The following NELFB variants were observed in gnomAD, a reference collection of about 807,000 sequenced individuals.
The protein encoded by NELFB is negative elongation factor B.
A neutral mutation model predicts 60.2 loss-of-function variants in NELFB; 34 were observed. The ratio of observed to expected loss-of-function variants is 0.56; its 90% CI spans 0.43 to 0.75. The LOEUF is 0.75. Among genes scored for constraint, NELFB ranks in the 30% least tolerant of loss-of-function variants. The probability of loss-of-function intolerance (pLI) is 0.00; values close to 1 mark genes in which losing one functional copy is unlikely to be tolerated. For synonymous variants in NELFB, 459 were observed against 382.1 expected (o/e 1.20, Z -2.35); for missense variants, 770 against 831.6 (o/e 0.93, Z 0.91).
At chr9:137,265,798 G>T in intron 6 of NELFB, 79 bp from the exon 7 acceptor site, 1 of 941,714 alleles carries the variant, frequency 1.1e-6, no homozygotes, top group Non-Finnish European at 1.7e-6. Context: ...ATTCAGCCTA[G>T]GCCACCCCTC....
rs760078832 is a variant in NELFB at position 137,257,069 on chromosome 9, CGT to C, written c.741+19_741+20del. ...GCCAGGGCGAGGTGAGGGGACAGGC[CGT>C]GTGCGGGGTGGGGCACCTCTTGGGG... On this transcript the variant is annotated intron_variant, in intron 4 of 12. Transcript: ENST00000343053. 1 of 1,604,532 alleles carries C rather than the reference CGT, an allele frequency of 6.2e-7. No homozygotes were observed. The highest frequency in any genetic ancestry group is 1.7e-5 in the Admixed American group (1 of 59,846).
chr9:137,263,321 A>G (rs1237685421), intron 5 of NELFB, 99 bp downstream of exon 5: 13 of 606,470 alleles, frequency 2.1e-5, no homozygotes, highest in Non-Finnish European at 2.8e-5. Flanking sequence ...TCCTTCCCCC[A>G]CTGCCCTCCT....
In NELFB at chr9:137,264,350, G is replaced by A. The variant is rs1236968811; in HGVS notation, c.1033G>A (p.Val345Met). ...TGGCGTCAAGAAGGGCCAGGAGCAG[G>A]TGCTGGGGTGAGGGTCGGCTCCACG... The change falls in exon 6 of 13, where the codon GTG becomes ATG. Residue 345 changes from valine (V) to methionine (M), a missense_variant. Coordinates refer to ENST00000343053, the MANE Select transcript of NELFB (RefSeq NM_015456.5). The A allele has an allele frequency of 1.9e-6, 3 of 1,586,492 alleles. No individual in the cohort carries two copies. Among genetic ancestry groups the A allele is most frequent in the South Asian group, 2.3e-5 (2 of 86,792 alleles).
intron 4 of NELFB, among the ~76,000 whole-genome samples, chr9:137,260,793 G>C (rs995805372): frequency 2.1e-4 from 31 of 150,842 alleles, no homozygotes; most frequent in Admixed American, 1.1e-3. Flanking sequence ...GGGTGCGGTG[G>C]CTCACGCCTG....
chr9:137,261,667 A>C (rs1830448440), intron 4 of NELFB, among the ~76,000 whole-genome samples: 2 of 16,746 alleles, frequency 1.2e-4, no homozygotes, highest in African/African-American at 2.3e-4. Context: ...CAAAAAAAAA[A>C]AAAAAAAAAA....
At chr9:137,265,808 C>A in intron 6 of NELFB, 69 bp from the exon 7 acceptor site, 1 of 1,049,784 alleles carries the variant, frequency 9.5e-7, no homozygotes. Context: ...GGCCACCCCT[C>A]CTGAGGACTG....
Position 137,256,967 on chromosome 9 carries a change from G to C in NELFB, c.654G>C (p.Leu218=). Residue 218 remains leucine (L), a synonymous_variant, in exon 4 of 13, where the codon CTG becomes CTC. Transcript: ENST00000343053. ...CCCCACTCCTGAAGCAGTACATCCT[G>C]GAGAAGGAGAGCGCTCTCTTCAGTA... The C allele has an allele frequency of 6.2e-7, 1 of 1,614,150 alleles. No homozygotes were observed. The highest frequency in any genetic ancestry group is 1.1e-5 in the South Asian group (1 of 91,092).
At chr9:137,258,984 G>A (rs897702290) in intron 4 of NELFB, among the ~76,000 whole-genome samples, 2 of 152,186 alleles carry the variant, frequency 1.3e-5, no homozygotes, top group Non-Finnish European at 2.9e-5. Context: ...TGGGAGGATC[G>A]CTTGAGCTTA....
intron 11 of NELFB, 45 bp downstream of exon 11, chr9:137,272,267 C>T (rs1414532789): frequency 6.2e-7 from 1 of 1,605,692 alleles, no homozygotes; most frequent in African/African-American, 1.3e-5. Flanking sequence ...CCTCTCAGCT[C>T]TTGTCCGTAG....
intron 12 of NELFB, 24 bp from the exon 13 acceptor site, chr9:137,272,758 G>T (rs1564446393): frequency 2.0e-6 from 3 of 1,531,116 alleles, no homozygotes; most frequent in South Asian, 1.2e-5. Flanking sequence ...CGCCTCGCCT[G>T]CCCCATGGTG....
At chr9:137,270,063 G>A (rs778811583) in intron 10 of NELFB, among the ~76,000 whole-genome samples, 2 of 152,102 alleles carry the variant, frequency 1.3e-5, no homozygotes, top group African/African-American at 2.4e-5. Flanking sequence ...CAACCTCCCC[G>A]GGGTCCACGT....
chr9:137,263,024 C>T lies in NELFB; in HGVS notation c.742-13C>T, dbSNP rs763715425. The T allele has an allele frequency of 1.9e-6, 3 of 1,608,114 alleles. No homozygotes were observed. The highest frequency in any genetic ancestry group is 2.6e-6 in the Non-Finnish European group (3 of 1,175,246). On this transcript the variant is annotated splice_polypyrimidine_tract_variant and intron_variant, in intron 4 of 12. Transcript: ENST00000343053. Reference sequence around the variant, plus strand: ...AGGACGGTCTGGGGGCCTGACAGTGCCTCTTGCTGCAGGTGGTGCAGCGGC... The same window carrying T: ...AGGACGGTCTGGGGGCCTGACAGTGTCTCTTGCTGCAGGTGGTGCAGCGGC...
Position 137,269,769 on chromosome 9 carries a change from TC to T in NELFB, c.1490-2310del, listed in dbSNP as rs538815437. On this transcript the variant is annotated intron_variant, in intron 10 of 12. Transcript: ENST00000343053. This position sits in a 1 kb window ranked among gnomAD's most constrained non-coding sequence, Gnocchi z 5.3. ...AATGACAGACTCACCTGGGAGGCCT[TC>T]CGTGCGCTTCTGTTTCTTTCTCTCA... Among the ~76,000 whole-genome samples the T allele has an allele frequency of 5.9e-5, 9 of 152,278 alleles. No homozygotes were observed. In the East Asian group the frequency reaches 1.6e-3, roughly 26 times the overall value.
chr9:137,256,928 C>G lies in NELFB; in HGVS notation c.615C>G (p.Phe205Leu). Reference sequence around the variant, plus strand: ...TCTGGCAAGACAACCAGGCCCTCTTCGGGGACGAGGTTTCCCCACTCCTGA... The same window carrying G: ...TCTGGCAAGACAACCAGGCCCTCTTGGGGGACGAGGTTTCCCCACTCCTGA... Residue 205 changes from phenylalanine to leucine, a missense_variant, in exon 4 of 13, where the codon TTC becomes TTG. By Grantham distance (22) the Phe-to-Leu change is conservative. Transcript: ENST00000343053. 6.2e-7 allele frequency: 1 copy of G among 1,614,200 alleles called. No homozygotes were observed. Among genetic ancestry groups the G allele is most frequent in the South Asian group, 1.1e-5 (1 of 91,088 alleles).
chr9:137,272,470 C>T, intron 11 of NELFB, 37 bp from the exon 12 acceptor site: 1 of 1,580,038 alleles, frequency 6.3e-7, no homozygotes, highest in Non-Finnish European at 8.6e-7. Flanking sequence ...GACAGCAGGG[C>T]CTGCCTCCTG....
At chr9:137,261,339 CAAAAAAAAAAAAAAAAAGTA>C (rs1363385010) in intron 4 of NELFB, among the ~76,000 whole-genome samples, 1 of 65,636 alleles carries the variant, frequency 1.5e-5, no homozygotes, top group Non-Finnish European at 3.0e-5. Flanking sequence ...GACTCGGTTT[CAAAAAAAAAAAAAAAAAGTA>C]AAAAAAAAAA....
chr9:137,272,791 G>A lies in NELFB; in HGVS notation c.1750G>A (p.Ala584Thr), dbSNP rs1479850212. The change falls in exon 13 of 13, where the codon GCA (alanine) becomes ACA (threonine). Residue 584 changes from alanine (A) to threonine (T), a missense_variant. Transcript: ENST00000343053. Reference sequence around the variant, plus strand: ...GTGTGGTTCCCCGCAGAGCGGAGAGGCAGTGAAGGAGCTTTACTCCCAGCT... The same window carrying A: ...GTGTGGTTCCCCGCAGAGCGGAGAGACAGTGAAGGAGCTTTACTCCCAGCT... 3.9e-6 allele frequency: 6 copies of A among 1,548,084 alleles called. No individual in the cohort carries two copies. The highest frequency in any genetic ancestry group is 5.2e-6 in the Non-Finnish European group (6 of 1,145,498).
Position 137,263,034 on chromosome 9 carries a change from C to G in NELFB, c.742-3C>G. On this transcript the variant is annotated splice_polypyrimidine_tract_variant and splice_region_variant and intron_variant, in intron 4 of 12. Transcript: ENST00000343053. ...GGGGGCCTGACAGTGCCTCTTGCTG[C>G]AGGTGGTGCAGCGGCTGACGCGGAT... 1 of 1,609,254 alleles carries G rather than the reference C, an allele frequency of 6.2e-7. No individual in the cohort carries two copies. The highest frequency in any genetic ancestry group is 8.5e-7 in the Non-Finnish European group (1 of 1,176,040).
rs186828241 is a variant in NELFB, at chr9:137,271,918, C to A, written c.1490-163C>A. Among the ~76,000 whole-genome samples the A allele has an allele frequency of 3.2e-3, 493 of 151,752 alleles. 2 individuals carry two copies. The highest frequency in any genetic ancestry group is 0.011 in the African/African-American group (470 of 41,306). Reference sequence around the variant, plus strand: ...CCTGCCTGCCTCTGTCCACTTCCCACCCCCCTCTTCACCTGCTGAGACCCT... The same window carrying A: ...CCTGCCTGCCTCTGTCCACTTCCCAACCCCCTCTTCACCTGCTGAGACCCT... On this transcript the variant is annotated intron_variant, in intron 10 of 12. Transcript: ENST00000343053.
Sources: gnomAD v4.1 joint callset for allele counts (sites outside exome capture counted in the v4.1 genomes callset) on GRCh38, gnomAD v4.1.1 for gene constraint, Gnocchi (gnomAD v3.1) non-coding constraint, MANE v1.5 for transcripts, NCBI Gene and HGNC (gene_info 2026-07-23, HGNC 2026-07-21) for gene names.